SGCD: variants seen among roughly 807,000 people sequenced by gnomAD.
SGCD encodes delta-sarcoglycan.
SGCD carries 18 observed loss-of-function variants against 36.6 expected under a neutral mutation model. That is an observed-to-expected ratio of 0.49 (90% CI 0.34 to 0.73). The LOEUF is 0.73. Among genes scored for constraint, SGCD ranks in the 30% least tolerant of loss-of-function variants. The pLI is 0.01. For synonymous variants in SGCD, 133 were observed against 130.6 expected (o/e 1.02, Z -0.12); for missense variants, 387 against 346.7 (o/e 1.12, Z -0.92).
intron 3 of SGCD, among the ~76,000 whole-genome samples, chr5:156,248,632 G>A (rs1157838306): frequency 6.6e-6 from 1 of 152,146 alleles, no homozygotes; most frequent in Non-Finnish European, 1.5e-5. Flanking sequence ...GCTGGGCTTC[G>A]TAGGATAATG....
At chr5:155,893,252 T>G (rs746575149) in intron 1 of SGCD, among the ~76,000 whole-genome samples, 3 of 152,188 alleles carry the variant, frequency 2.0e-5, no homozygotes, top group Non-Finnish European at 2.9e-5. Context: ...TGTACAATTA[T>G]GTGTCAATTA....
intron 3 of SGCD, among the ~76,000 whole-genome samples, chr5:156,490,024 A>G (rs1755865038): frequency 1.3e-5 from 2 of 152,110 alleles, no homozygotes; most frequent in Admixed American, 6.6e-5. Flanking sequence ...ATTAGAAACA[A>G]AGGAGACATT....
intron 1 of SGCD, among the ~76,000 whole-genome samples, chr5:156,328,748 T>A (rs1767927758): frequency 6.6e-6 from 1 of 151,736 alleles, no homozygotes; most frequent in Admixed American, 6.6e-5. Context: ...ATTAGTTTCA[T>A]CTTCGTGTTG....
At chr5:156,757,077 A>C (rs1192684240) in intron 7 of SGCD, among the ~76,000 whole-genome samples, 4 of 152,046 alleles carry the variant, frequency 2.6e-5, no homozygotes, top group African/African-American at 9.7e-5. Flanking sequence ...AGGTAAAGAA[A>C]GACTTACCCA....
At position 156,188,202 on chromosome 5, in the gene SGCD, C is replaced by A. The variant is rs201427668; in HGVS notation, c.-44+64183C>A. ...ACTCATTAGACATATTTCCTGAGCA[C>A]CAGCTGTGTGCCTGGCGTTATTCCA... On this transcript the variant is annotated intron_variant, in intron 3 of 9. Transcript: ENST00000517913. Among the ~76,000 whole-genome samples, 7 of 152,248 alleles carry A rather than the reference C, an allele frequency of 4.6e-5. 1 individual carries two copies. The East Asian group carries it at 9.6e-4, about 21-fold the overall frequency.
chr5:155,781,333 A>G, the SGCD span, among the ~76,000 whole-genome samples: 42,004 of 152,084 alleles, frequency 0.28, 7,398 homozygotes, highest in East Asian at 0.44. Flanking sequence ...CTTGCACGGA[A>G]GGACACAGGG....
chr5:156,377,977 AT>A (rs1770761315), intron 3 of SGCD, among the ~76,000 whole-genome samples: 1 of 152,134 alleles, frequency 6.6e-6, no homozygotes, highest in African/African-American at 2.4e-5. Flanking sequence ...TTCTCCTATG[AT>A]TTAGCAATTT....
At chr5:155,863,990 G>A in the SGCD span, among the ~76,000 whole-genome samples, 64 of 152,308 alleles carry the variant, frequency 4.2e-4, no homozygotes, top group Admixed American at 1.2e-3. Flanking sequence ...AGTGGTAACT[G>A]CTAAGGAGAG....
the SGCD span, among the ~76,000 whole-genome samples, chr5:155,810,414 T>C: frequency 6.6e-6 from 1 of 151,950 alleles, no homozygotes; most frequent in Non-Finnish European, 1.5e-5. Flanking sequence ...TAGAAGGCTG[T>C]GTATGTTATT....
intron 3 of SGCD, among the ~76,000 whole-genome samples, chr5:156,149,247 T>C (rs1172766000): frequency 6.6e-6 from 1 of 152,208 alleles, no homozygotes; most frequent in Non-Finnish European, 1.5e-5. Flanking sequence ...CATTTATCCT[T>C]TGTGTTACAA....
intron 1 of SGCD, among the ~76,000 whole-genome samples, chr5:155,980,060 A>G (rs1420732322): frequency 6.6e-6 from 1 of 152,184 alleles, no homozygotes; most frequent in African/African-American, 2.4e-5. Flanking sequence ...TCTCTTCTCC[A>G]TGTGAGGATA....
At chr5:156,270,221 G>C (rs148763929) in intron 3 of SGCD, among the ~76,000 whole-genome samples, 1 of 151,980 alleles carries the variant, frequency 6.6e-6, no homozygotes, top group East Asian at 1.9e-4. Flanking sequence ...TGTTCCATTG[G>C]TCTATATGTC....
chr5:156,409,061 G>C (rs935978893), intron 3 of SGCD, among the ~76,000 whole-genome samples: 1 of 152,076 alleles, frequency 6.6e-6, no homozygotes, highest in Admixed American at 6.5e-5. Flanking sequence ...TATACTTAAC[G>C]CTTCTTCATT....
intron 1 of SGCD, among the ~76,000 whole-genome samples, chr5:156,054,463 T>G (rs1426043564): frequency 6.9e-6 from 1 of 145,064 alleles, no homozygotes; most frequent in African/African-American, 2.5e-5. Flanking sequence ...TTTTTTGTAT[T>G]TTTAGTAGAG....
In SGCD at chr5:156,609,300, A is replaced by G. The variant is rs142685816; in HGVS notation, c.502+14249A>G. On this transcript the variant is annotated intron_variant, in intron 6 of 8. Coordinates refer to ENST00000337851, the MANE Select transcript of SGCD (RefSeq NM_000337.6). ...AAAGTATTTTATTTCTCCTTCACTT[A>G]TGAAGCTTAGTTTGGCTGGATATGA... 3.4e-3 allele frequency among the ~76,000 whole-genome samples: 521 copies of G among 152,170 alleles called. 3 individuals carry two copies. Among genetic ancestry groups the G allele is most frequent in the African/African-American group, 0.012 (483 of 41,494 alleles).
At position 156,361,103 on chromosome 5, in the gene SGCD, G is replaced by A. The variant is rs554621707; in HGVS notation, c.192+16426G>A. 3.3e-5 allele frequency among the ~76,000 whole-genome samples: 5 copies of A among 152,300 alleles called. No individual in the cohort carries two copies. In the South Asian group the frequency reaches 1.0e-3, roughly 32 times the overall value. ...GCACCCTAACCTGGGTGCTGCTGCA[G>A]GCCCCATATGGAGCTTGCTCCTGCT... On this transcript the variant is annotated intron_variant, in intron 3 of 8. Coordinates refer to ENST00000337851, the MANE Select transcript of SGCD (RefSeq NM_000337.6).
chr5:156,419,518 C>T (rs1046394931), intron 3 of SGCD, among the ~76,000 whole-genome samples: 6 of 152,122 alleles, frequency 3.9e-5, no homozygotes, highest in African/African-American at 1.2e-4. Flanking sequence ...AACAGGGATA[C>T]AGCACTGCCA....
At chr5:156,119,707 C>A (rs556517719) in intron 2 of SGCD, among the ~76,000 whole-genome samples, 1 of 152,144 alleles carries the variant, frequency 6.6e-6, no homozygotes, top group Non-Finnish European at 1.5e-5. Flanking sequence ...TGCTCCCACT[C>A]TCCCTGGTTT....
intron 1 of SGCD, among the ~76,000 whole-genome samples, chr5:155,960,912 G>A (rs1757778916): frequency 6.6e-6 from 1 of 152,066 alleles, no homozygotes; most frequent in African/African-American, 2.4e-5. Flanking sequence ...CGTCACTACT[G>A]TAACTTGAAA....
Sources: allele counts gnomAD v4.1 joint callset (sites outside exome capture counted in the v4.1 genomes callset), GRCh38; gene constraint gnomAD v4.1.1; transcripts MANE v1.5; gene names NCBI Gene and HGNC (gene_info 2026-07-23, HGNC 2026-07-21).